The following CLEC20A variants were observed in gnomAD, a reference collection of about 807,000 sequenced individuals.
The protein encoded by CLEC20A is C-type lectin domain containing 20A.
exon 8 of CLEC20A, chr1:178,479,336 C>T: frequency 5.4e-6 from 2 of 371,290 alleles, no homozygotes; most frequent in East Asian, 3.8e-5. Context: ...CCATCTTCTC[C>T]TGCATCCCTG....
intron 5 of CLEC20A, among the ~76,000 whole-genome samples, chr1:178,484,900 CA>C (rs1558027866): frequency 1.3e-5 from 2 of 151,586 alleles, no homozygotes; most frequent in South Asian, 4.2e-4. Context: ...CCAGACTGTG[CA>C]ATATTCTTTC....
upstream of CLEC20A, among the ~76,000 whole-genome samples, chr1:178,498,587 C>T (rs59658083): frequency 0.022 from 3,300 of 152,156 alleles, 104 homozygotes; most frequent in African/African-American, 0.075. Context: ...GAGACCCTGT[C>T]TCTAAAATAA....
At chr1:178,495,204 G>A (rs531500784) in intron 1 of CLEC20A, among the ~76,000 whole-genome samples, 121 of 152,354 alleles carry the variant, frequency 7.9e-4, no homozygotes, top group African/African-American at 2.9e-3. Flanking sequence ...CCCGCCATGT[G>A]CCATCAGCTC....
At chr1:178,483,245 A>G (rs1325372411) in exon 6 of CLEC20A, 2 of 398,526 alleles carry the variant, frequency 5.0e-6, no homozygotes, top group Non-Finnish European at 8.8e-6. Context: ...CAGCAGCTGT[A>G]TCTCTTCTAT....
At chr1:178,487,151 G>A (rs1240230480) in intron 5 of CLEC20A, among the ~76,000 whole-genome samples, 1 of 152,192 alleles carries the variant, frequency 6.6e-6, no homozygotes, top group Non-Finnish European at 1.5e-5. Flanking sequence ...CTGGCTCCCC[G>A]GGCCTGTGCC....
At chr1:178,482,855 A>G (rs1373582354) in intron 6 of CLEC20A, 1 of 226,078 alleles carries the variant, frequency 4.4e-6, no homozygotes, top group Non-Finnish European at 8.5e-6. Flanking sequence ...TAATAAGACT[A>G]TATTTGCATT....
intron 2 of CLEC20A, among the ~76,000 whole-genome samples, chr1:178,493,046 C>T (rs1029858835): frequency 2.0e-5 from 3 of 152,214 alleles, no homozygotes; most frequent in Non-Finnish European, 4.4e-5. Context: ...TAAAAGCTCA[C>T]TCTGTGTAGA....
upstream of CLEC20A, chr1:178,497,147 G>T: frequency 2.5e-6 from 1 of 394,762 alleles, no homozygotes; most frequent in East Asian, 3.6e-5. Context: ...GGTGTGAGGT[G>T]CTGGAGATGC....
At chr1:178,486,950 A>AGGAGGTGC in intron 5 of CLEC20A, 1 of 396,954 alleles carries the variant, frequency 2.5e-6, no homozygotes, top group Non-Finnish European at 4.4e-6. Flanking sequence ...GCGCGCGAGT[A>AGGAGGTGC]GGAGGTGCGG....
At chr1:178,482,397 C>G in exon 7 of CLEC20A, 1 of 398,530 alleles carries the variant, frequency 2.5e-6, no homozygotes, top group Non-Finnish European at 4.4e-6. Flanking sequence ...AAAAGGGTGC[C>G]CTGAAAAAGA....
chr1:178,487,000 A>AGCCGC, intron 5 of CLEC20A: 2 of 394,678 alleles, frequency 5.1e-6, no homozygotes, highest in Non-Finnish European at 8.9e-6. Flanking sequence ...CCTCTGAGTG[A>AGCCGC]GCCGCGCTGC....
At position 178,483,230 on chromosome 1, in the gene CLEC20A, C is replaced by T. The variant is rs563304006; in HGVS notation, c.981G>A (p.Thr327=). 262 of 398,584 alleles carry T rather than the reference C, an allele frequency of 6.6e-4. 1 individual carries two copies. Among genetic ancestry groups the T allele is most frequent in the African/African-American group, 4.8e-3 (232 of 48,714 alleles). The allele number at this position is 398,584 out of a possible 1,614,324, so 24.7% of individuals were successfully genotyped here. ...ATTCTGAACTCAGATGTTGGGCCTC[C>T]GTGGCAGCAGCTGTATCTCTTCTAT... Residue 327 remains threonine, a synonymous_variant, in exon 6 of 8, where the codon ACG becomes ACA. Coordinates refer to ENST00000623247, the Ensembl canonical transcript of CLEC20A.
At chr1:178,498,786 T>C (rs1360285066), upstream of CLEC20A, among the ~76,000 whole-genome samples, 3 of 152,096 alleles carry the variant, frequency 2.0e-5, no homozygotes, top group African/African-American at 7.2e-5. Flanking sequence ...GAAGGCTCTC[T>C]TTTTTCCTAC....
chr1:178,490,928 T>G (rs1347351948), intron 3 of CLEC20A, among the ~76,000 whole-genome samples: 1 of 152,176 alleles, frequency 6.6e-6, no homozygotes, highest in African/African-American at 2.4e-5. Flanking sequence ...CTGCCCCCAC[T>G]GGCTCTCGGG....
intron 5 of CLEC20A, chr1:178,484,161 G>A (rs1003368866): frequency 2.6e-5 from 4 of 152,166 alleles, no homozygotes; most frequent in African/African-American, 9.7e-5. Flanking sequence ...CGTGTGTGTG[G>A]AAGGTGCATA....
At chr1:178,488,356 G>A in intron 5 of CLEC20A, 145 bp downstream of exon 5, 1 of 395,152 alleles carries the variant, frequency 2.5e-6, no homozygotes, top group Non-Finnish European at 4.5e-6. Context: ...TGCGTAAGTG[G>A]CCCTTGACTG....
At chr1:178,481,484 G>T (rs1454130988) in intron 7 of CLEC20A, 3 of 152,216 alleles carry the variant, frequency 2.0e-5, no homozygotes, top group African/African-American at 7.2e-5. Context: ...GTTATTATCT[G>T]ATATAATTGA....
intron 1 of CLEC20A, chr1:178,496,562 C>A (rs1011702015): frequency 3.5e-6 from 1 of 283,868 alleles, no homozygotes. Flanking sequence ...GTCCACACCC[C>A]GGTGATGTCC....
At chr1:178,492,645 G>A in intron 2 of CLEC20A, 79 bp from the exon 3 acceptor site, 1 of 398,482 alleles carries the variant, frequency 2.5e-6, no homozygotes, top group Non-Finnish European at 4.4e-6. Flanking sequence ...TTATAGCCGG[G>A]AAAACCTAGC....
Sources: gnomAD v4.1 joint callset for allele counts (sites outside exome capture counted in the v4.1 genomes callset) on GRCh38, gnomAD v4.1.1 for gene constraint, MANE v1.5 for transcripts, NCBI Gene and HGNC (gene_info 2026-07-23, HGNC 2026-07-21) for gene names.